Variants in SMARCA2 observed in about 807,000 individuals in gnomAD.
The protein encoded by SMARCA2 is SWI/SNF related BAF chromatin remodeling complex subunit ATPase 2.
SMARCA2 carries 61 observed loss-of-function variants against 199.8 expected under a neutral mutation model. The observed-to-expected ratio is 0.31, with a 90% confidence interval of 0.25 to 0.38. The LOEUF (loss-of-function observed/expected upper bound fraction) is 0.38, where lower values mean the gene tolerates loss of function less well. Among genes scored for constraint, SMARCA2 ranks in the 10% least tolerant of loss-of-function variants. SMARCA2 has a pLI of 1.00. For missense variants in SMARCA2, 1,344 were observed against 2,012.2 expected (o/e 0.67, Z 6.35); for synonymous variants, 935 against 732.0 (o/e 1.28, Z -4.48).
chr9:2,121,492 C>T (rs928423747), intron 26 of SMARCA2, among the ~76,000 whole-genome samples: 2 of 152,134 alleles, frequency 1.3e-5, no homozygotes, highest in Non-Finnish European at 2.9e-5. Context: ...CACTTGGGGG[C>T]AGGAAATAAA....
chr9:2,174,381 G>A (rs1238985602), intron 29 of SMARCA2, among the ~76,000 whole-genome samples: 3 of 152,044 alleles, frequency 2.0e-5, no homozygotes, highest in Non-Finnish European at 4.4e-5. Flanking sequence ...ATATTAATGG[G>A]GGAAAAAAAT....
chr9:2,018,194 C>G (rs1046941506), intron 1 of SMARCA2, among the ~76,000 whole-genome samples: 1 of 152,184 alleles, frequency 6.6e-6, no homozygotes, highest in African/African-American at 2.4e-5. Context: ...ATGAGGAAGG[C>G]TTGGGAATCG....
intron 6 of SMARCA2, chr9:2,055,465 A>T (rs891158571): frequency 2.6e-5 from 4 of 152,236 alleles, no homozygotes; most frequent in African/African-American, 4.8e-5. Flanking sequence ...CCCAAAGGGG[A>T]TAAGGAACGT....
intron 32 of SMARCA2, among the ~76,000 whole-genome samples, chr9:2,190,894 A>G (rs1827832411): frequency 6.6e-6 from 1 of 152,196 alleles, no homozygotes; most frequent in African/African-American, 2.4e-5. Context: ...ACATTTATTT[A>G]TATTTTTAAT....
At chr9:2,073,169 G>C in intron 10 of SMARCA2, 43 bp from the exon 11 acceptor site, 2 of 1,611,498 alleles carry the variant, frequency 1.2e-6, no homozygotes, top group Non-Finnish European at 1.7e-6. Flanking sequence ...ACTGGGGGAA[G>C]GTCTTAACAT....
intron 27 of SMARCA2, among the ~76,000 whole-genome samples, chr9:2,141,523 A>G (rs1400191412): frequency 6.6e-6 from 1 of 152,180 alleles, no homozygotes; most frequent in East Asian, 1.9e-4. Flanking sequence ...AGCCTGTAGC[A>G]TTGAACGTCT....
At chr9:2,103,859 A>G in intron 22 of SMARCA2, 144 bp from the exon 23 acceptor site, 1 of 651,002 alleles carries the variant, frequency 1.5e-6, no homozygotes, top group Non-Finnish European at 2.6e-6. Flanking sequence ...TTTGGAGTTC[A>G]TATTCATTCA....
chr9:2,146,049 C>G (rs1031348974), intron 27 of SMARCA2, among the ~76,000 whole-genome samples: 1 of 152,148 alleles, frequency 6.6e-6, no homozygotes, highest in Non-Finnish European at 1.5e-5. Context: ...AGCTGGGTGT[C>G]TTAGTCTGGG....
At chr9:2,058,230 C>A in intron 7 of SMARCA2, 61 bp from the exon 8 acceptor site, 8 of 1,436,376 alleles carry the variant, frequency 5.6e-6, no homozygotes, top group Non-Finnish European at 7.8e-6. Flanking sequence ...ACACTGATAG[C>A]TCAGAGGACA....
chr9:2,192,600 C>G (rs979424366), intron 33 of SMARCA2, 104 bp from the exon 34 acceptor site: 14 of 843,968 alleles, frequency 1.7e-5, no homozygotes, highest in Non-Finnish European at 2.9e-5. Context: ...GAGTTGTTTC[C>G]AAAATGTCAT....
intron 1 of SMARCA2, among the ~76,000 whole-genome samples, chr9:2,019,814 T>C (rs904108599): frequency 6.6e-6 from 1 of 151,514 alleles, no homozygotes; most frequent in Non-Finnish European, 1.5e-5. Context: ...CAGTGTTTTC[T>C]TGTTTTTTTT....
intron 19 of SMARCA2, 48 bp from the exon 20 acceptor site, chr9:2,096,609 C>T (rs758766472): frequency 2.5e-5 from 29 of 1,162,654 alleles, no homozygotes; most frequent in Non-Finnish European, 3.5e-5. Context: ...TTAGAACAGG[C>T]GCCTTCTCCT....
chr9:2,192,613 T>A (rs925209834), intron 33 of SMARCA2, 91 bp from the exon 34 acceptor site: 1 of 904,624 alleles, frequency 1.1e-6, no homozygotes, highest in Non-Finnish European at 1.9e-6. Flanking sequence ...AATGTCATTT[T>A]TTCCTACTGG....
chr9:2,166,168 A>G (rs375702324), intron 28 of SMARCA2, among the ~76,000 whole-genome samples: 1 of 152,348 alleles, frequency 6.6e-6, no homozygotes, highest in African/African-American at 2.4e-5. Context: ...ATTGTCCTTC[A>G]GGTAGGAACA....
At chr9:2,055,311 A>G (rs1001096991) in intron 6 of SMARCA2, among the ~76,000 whole-genome samples, 4 of 152,262 alleles carry the variant, frequency 2.6e-5, no homozygotes, top group African/African-American at 9.6e-5. Flanking sequence ...AGCAGTTATT[A>G]AAAGCCAGTA....
intron 31 of SMARCA2, among the ~76,000 whole-genome samples, chr9:2,184,061 G>T (rs1250108731): frequency 1.3e-5 from 2 of 152,002 alleles, no homozygotes; most frequent in Non-Finnish European, 2.9e-5. Context: ...TTCATTTACT[G>T]CCTCTCTTCC....
chr9:2,063,513 A>G (rs1820691976), intron 9 of SMARCA2, among the ~76,000 whole-genome samples: 1 of 152,136 alleles, frequency 6.6e-6, no homozygotes, highest in Admixed American at 6.5e-5. Flanking sequence ...GTACCTATCA[A>G]TATTTTTTAA....
intron 29 of SMARCA2, among the ~76,000 whole-genome samples, chr9:2,176,893 C>T (rs931718452): frequency 6.6e-5 from 10 of 152,076 alleles, no homozygotes; most frequent in Non-Finnish European, 1.3e-4. Flanking sequence ...ATTCCATGAC[C>T]CAAACAAGTC....
rs1345176032 is a variant in SMARCA2 at position 2,084,136 on chromosome 9, A to G, written c.2466A>G (p.Lys822=). 2 of 1,613,024 alleles carry G rather than the reference A, an allele frequency of 1.2e-6. No individual in the cohort carries two copies. The highest frequency in any genetic ancestry group is 2.2e-5 in the South Asian group (2 of 91,056). Residue 822 remains lysine, a synonymous_variant, in exon 17 of 34, where the codon AAA becomes AAG. Coordinates refer to ENST00000349721, the MANE Select transcript of SMARCA2 (RefSeq NM_003070.5). ...TTGTCCCCCAGCTACGGAGTGGCAA[A>G]TTCAATGTCCTCTTGACTACTTATG... ...RSLVPQLRSG[K]FNVLLTTYEY...
Sources: gnomAD v4.1 joint callset for allele counts (sites outside exome capture counted in the v4.1 genomes callset) on GRCh38, gnomAD v4.1.1 for gene constraint, MANE v1.5 for transcripts, NCBI Gene and HGNC (gene_info 2026-07-23, HGNC 2026-07-21) for gene names.